Variants in NECAB2 observed in about 807,000 individuals in gnomAD.
NECAB2 encodes N-terminal EF-hand calcium-binding protein 2.
Under a neutral mutation model 51.9 loss-of-function variants are expected in NECAB2, and 68 were observed. That is an observed-to-expected ratio of 1.31 (90% CI 1.08 to 1.60). The LOEUF (loss-of-function observed/expected upper bound fraction) is 1.60, where lower values mean the gene tolerates loss of function less well. NECAB2 is among the 40% of genes most tolerant of loss of function. The pLI is 0.00. For missense variants in NECAB2, 854 were observed against 490.3 expected, an observed-to-expected ratio of 1.74 and a Z score of -7.00; for synonymous variants, 329 against 203.5, an observed-to-expected ratio of 1.62 and a Z score of -5.25.
chr16:83,994,195 G>C (rs547843589), intron 6 of NECAB2, 107 bp from the exon 7 acceptor site: 4 of 987,106 alleles, frequency 4.1e-6, no homozygotes, highest in Non-Finnish European at 6.4e-6. Context: ...TTCTGTGCAT[G>C]TGTGAGTCCA....
intron 3 of NECAB2, among the ~76,000 whole-genome samples, chr16:83,980,223 A>G (rs932473028): frequency 6.6e-6 from 1 of 152,176 alleles, no homozygotes; most frequent in Non-Finnish European, 1.5e-5. Context: ...CAGCTTATCA[A>G]ATCTGCTCCT....
Position 83,968,522 on chromosome 16 carries a change from C to A in NECAB2, c.-127C>A. ...CGCCGGCCAGTCCCCGCGGTGTCCG[C>A]GGCCGCGGGGGCAGCGGGAGAGAGG... On this transcript the variant is annotated 5_prime_UTR_variant, in exon 1 of 13. Transcript: ENST00000305202. 1 of 792,914 alleles carries A rather than the reference C, an allele frequency of 1.3e-6. No homozygotes were observed. The highest frequency in any genetic ancestry group is 1.5e-6 in the Non-Finnish European group (1 of 657,628). The allele number at this position is 792,914 out of a possible 1,614,324, so 49.1% of individuals were successfully genotyped here.
chr16:83,994,665 C>T lies in NECAB2; in HGVS notation c.772C>T (p.Leu258=), dbSNP rs779034200. ...LEAQISRLAE[L]IGRLESKALW... is the part of the protein sequence containing the mutation. ...AGCCCAGATCAGCCGCTTGGCAGAG[C>T]TGATTGGGAGGCTGGAGAGCAAAGT... The change falls in exon 8 of 13, where the codon CTG becomes TTG. Residue 258 remains leucine (L), a synonymous_variant. Coordinates refer to ENST00000305202, the MANE Select transcript of NECAB2 (RefSeq NM_019065.3). 2 of 1,614,138 alleles carry T rather than the reference C, an allele frequency of 1.2e-6. No homozygotes were observed. The highest frequency in any genetic ancestry group is 1.1e-5 in the South Asian group (1 of 91,084).
intron 2 of NECAB2, among the ~76,000 whole-genome samples, chr16:83,977,995 C>G (rs1324476841): frequency 6.6e-6 from 1 of 152,176 alleles, no homozygotes; most frequent in Non-Finnish European, 1.5e-5. Flanking sequence ...GGACAAGTTG[C>G]TCACAGTGGG....
At chr16:83,998,752 G>C (rs1177282637) in intron 10 of NECAB2, among the ~76,000 whole-genome samples, 1 of 152,178 alleles carries the variant, frequency 6.6e-6, no homozygotes, top group African/African-American at 2.4e-5. Flanking sequence ...TGAGGAAGGA[G>C]AGGAGAGTCG....
intron 12 of NECAB2, 54 bp downstream of exon 12, chr16:84,001,970 A>G (rs1403507045): frequency 2.5e-6 from 4 of 1,568,672 alleles, no homozygotes; most frequent in East Asian, 4.6e-5. Flanking sequence ...GAGAAGGGCA[A>G]GAGCCTAGAG....
At chr16:83,991,657 T>C (rs2084627501) in intron 6 of NECAB2, among the ~76,000 whole-genome samples, 1 of 151,272 alleles carries the variant, frequency 6.6e-6, no homozygotes, top group Admixed American at 6.6e-5. Context: ...CCGGCCTTAT[T>C]TTATTTATTG....
chr16:83,984,597 G>A (rs970454033), intron 5 of NECAB2, among the ~76,000 whole-genome samples: 1 of 151,986 alleles, frequency 6.6e-6, no homozygotes, highest in African/African-American at 2.4e-5. Context: ...GAGCATGGTG[G>A]GATGTGTCTG....
intron 10 of NECAB2, among the ~76,000 whole-genome samples, chr16:83,998,976 C>A (rs28563865): frequency 2.6e-5 from 4 of 152,094 alleles, no homozygotes; most frequent in African/African-American, 9.7e-5. Context: ...AGTGGTCCCC[C>A]GCCCCCCGTT....
At chr16:83,988,300 T>C (rs2084579896) in intron 5 of NECAB2, among the ~76,000 whole-genome samples, 1 of 152,230 alleles carries the variant, frequency 6.6e-6, no homozygotes, top group Non-Finnish European at 1.5e-5. Context: ...GTCTGCCCTG[T>C]TTATATCATG....
chr16:83,971,118 G>GA (rs1384582794), intron 1 of NECAB2, among the ~76,000 whole-genome samples: 2 of 151,568 alleles, frequency 1.3e-5, no homozygotes, highest in Non-Finnish European at 2.9e-5. Context: ...TAGTGCTGGT[G>GA]AATCAGTCCC....
intron 6 of NECAB2, 138 bp downstream of exon 6, chr16:83,990,768 T>C (rs2084613648): frequency 9.0e-7 from 1 of 1,112,108 alleles, no homozygotes; most frequent in African/African-American, 1.6e-5. Flanking sequence ...TTTGTGCCTT[T>C]GGTGCTCCAT....
intron 6 of NECAB2, among the ~76,000 whole-genome samples, chr16:83,993,068 G>C (rs928593661): frequency 6.6e-6 from 1 of 152,134 alleles, no homozygotes; most frequent in African/African-American, 2.4e-5. Context: ...GCAGCTTGTC[G>C]TGATACCTCT....
chr16:83,993,837 C>G (rs372082100), intron 6 of NECAB2, among the ~76,000 whole-genome samples: 1 of 152,110 alleles, frequency 6.6e-6, no homozygotes, highest in African/African-American at 2.4e-5. Flanking sequence ...CTTTAGGTCT[C>G]GCTTTTATGT....
At chr16:84,000,602 G>A (rs1202774142) in intron 10 of NECAB2, 122 bp from the exon 11 acceptor site, 2 of 719,018 alleles carry the variant, frequency 2.8e-6, no homozygotes, top group African/African-American at 3.5e-5. Flanking sequence ...GGTCAAGACA[G>A]GAAGAAACAT....
rs1283226375 is a variant in NECAB2 at position 83,972,317 on chromosome 16, C to G, written c.226+142C>G. 3.4e-6 allele frequency: 4 copies of G among 1,186,314 alleles called. No homozygotes were observed. In the African/African-American group the frequency reaches 6.1e-5, roughly 18 times the overall value. The allele number at this position is 1,186,314 out of a possible 1,614,324, so 73.5% of individuals were successfully genotyped here. ...GGGTCTGAAGTTAGAAGGCCAAATC[C>G]TGCTGCTGCTCTGTGCCTTGACCTC... On this transcript the variant is annotated intron_variant, in intron 2 of 12. Coordinates refer to ENST00000305202, the MANE Select transcript of NECAB2 (RefSeq NM_019065.3).
At chr16:83,977,584 CCACAGAGGAG>C (rs1274480971) in intron 2 of NECAB2, among the ~76,000 whole-genome samples, 5 of 152,084 alleles carry the variant, frequency 3.3e-5, no homozygotes, top group African/African-American at 9.7e-5. Context: ...CAGAGCCCCT[CCACAGAGGAG>C]CTGTGGAGGC....
intron 6 of NECAB2, among the ~76,000 whole-genome samples, chr16:83,991,882 C>T (rs1456481499): frequency 6.6e-6 from 1 of 150,410 alleles, no homozygotes. Flanking sequence ...TCTCAAACTC[C>T]TGGTCTCAGC....
chr16:83,990,530 A>G lies in NECAB2; in HGVS notation c.496A>G (p.Thr166Ala), dbSNP rs762668756. The G allele has an allele frequency of 6.8e-6, 11 of 1,613,784 alleles. No homozygotes were observed. Among genetic ancestry groups the G allele is most frequent in the African/African-American group, 1.3e-5 (1 of 74,824 alleles). Reference sequence around the variant, plus strand: ...TGGGAGCAACGTGGACCAGTTTGTGACCCGCTTCCTCCTGAAGGAGACGGC... The same window carrying G: ...TGGGAGCAACGTGGACCAGTTTGTGGCCCGCTTCCTCCTGAAGGAGACGGC... ...EGGSNVDQFVTRFLLKETANQ... is the reference protein window; with the variant it reads ...EGGSNVDQFVARFLLKETANQ... The change falls in exon 6 of 13, where the codon ACC becomes GCC. Residue 166 changes from threonine (T) to alanine (A), a missense_variant. Coordinates refer to ENST00000305202, the MANE Select transcript of NECAB2 (RefSeq NM_019065.3).
Sources: gnomAD v4.1 joint callset for allele counts (sites outside exome capture counted in the v4.1 genomes callset) on GRCh38, gnomAD v4.1.1 for gene constraint, MANE v1.5 for transcripts, NCBI Gene and HGNC (gene_info 2026-07-23, HGNC 2026-07-21) for gene names.